SHQ1: variants seen among roughly 807,000 people sequenced by gnomAD.
The protein encoded by SHQ1 is protein SHQ1 homolog.
In SHQ1, 49 loss-of-function variants were observed where a neutral mutation model predicts 53.8. The ratio of observed to expected loss-of-function variants is 0.91; its 90% CI spans 0.72 to 1.16. SHQ1 has a LOEUF of 1.16. Ranked by LOEUF, SHQ1 falls within the 50% of genes most tolerant of loss-of-function variation. The pLI is 0.00. For synonymous variants in SHQ1, 243 were observed against 251.0 expected (o/e 0.97, Z 0.30); for missense variants, 738 against 683.1 (o/e 1.08, Z -0.90).
intron 9 of SHQ1, among the ~76,000 whole-genome samples, chr3:72,811,040 G>T (rs571971209): frequency 6.6e-6 from 1 of 152,294 alleles, no homozygotes; most frequent in Non-Finnish European, 1.5e-5. Context: ...CTGGGTAATT[G>T]ATTCCTGTGT....
At chr3:72,736,776 G>A in the SHQ1 span, among the ~76,000 whole-genome samples, 378 of 111,854 alleles carry the variant, frequency 3.4e-3, 7 homozygotes, top group African/African-American at 0.012. Context: ...CTGGGTGACA[G>A]AGTGAGACTC....
At chr3:72,801,896 A>G (rs1415173721) in intron 9 of SHQ1, among the ~76,000 whole-genome samples, 1 of 152,240 alleles carries the variant, frequency 6.6e-6, no homozygotes, top group Non-Finnish European at 1.5e-5. Flanking sequence ...AAAGCTACAC[A>G]TAAATAATCT....
At chr3:72,805,953 C>T (rs1393743657) in intron 9 of SHQ1, among the ~76,000 whole-genome samples, 4 of 152,156 alleles carry the variant, frequency 2.6e-5, no homozygotes, top group East Asian at 1.9e-4. Context: ...TAAACATTTT[C>T]GGTGATTAAC....
At chr3:72,818,254 A>G (rs1220665661) in intron 6 of SHQ1, among the ~76,000 whole-genome samples, 1 of 152,116 alleles carries the variant, frequency 6.6e-6, no homozygotes, top group Non-Finnish European at 1.5e-5. Context: ...GTAAAGGAGT[A>G]TAATATTCCA....
the SHQ1 span, among the ~76,000 whole-genome samples, chr3:72,737,467 T>G: frequency 1.3e-5 from 2 of 151,682 alleles, no homozygotes; most frequent in Admixed American, 1.3e-4. Context: ...AGTAAGAGAA[T>G]GAAAGAAAGA....
chr3:72,820,131 T>C (rs748145344), intron 6 of SHQ1, among the ~76,000 whole-genome samples: 2 of 152,242 alleles, frequency 1.3e-5, no homozygotes, highest in Non-Finnish European at 2.9e-5. Flanking sequence ...TTTAGCAACA[T>C]GTCAACTCTC....
chr3:72,811,600 T>C (rs1707125547), intron 9 of SHQ1, among the ~76,000 whole-genome samples: 1 of 152,190 alleles, frequency 6.6e-6, no homozygotes, highest in African/African-American at 2.4e-5. Flanking sequence ...GCATCTTTCA[T>C]CTAACCATGA....
At chr3:72,815,434 C>G (rs750133123) in intron 7 of SHQ1, 31 bp from the exon 8 acceptor site, 54 of 1,570,264 alleles carry the variant, frequency 3.4e-5, no homozygotes, top group Non-Finnish European at 4.6e-5. Context: ...AGAATACCAT[C>G]ACATTAGAGG....
At chr3:72,739,770 A>G in the SHQ1 span, among the ~76,000 whole-genome samples, 1 of 152,238 alleles carries the variant, frequency 6.6e-6, no homozygotes, top group African/African-American at 2.4e-5. Context: ...TAAAGGGAAA[A>G]GGAAACAGGA....
chr3:72,739,733 A>G, the SHQ1 span, among the ~76,000 whole-genome samples: 3 of 152,250 alleles, frequency 2.0e-5, no homozygotes, highest in African/African-American at 7.2e-5. Flanking sequence ...AGATAGAATT[A>G]GAAGTGCAAT....
chr3:72,815,335 A>G lies in SHQ1; in HGVS notation c.936+15T>C. The G allele has an allele frequency of 6.2e-7, 1 of 1,609,418 alleles. No homozygotes were observed. Among genetic ancestry groups the G allele is most frequent in the Non-Finnish European group, 8.5e-7 (1 of 1,176,188 alleles). On this transcript the variant is annotated intron_variant, in intron 8 of 10. Transcript: ENST00000325599. ...TGAACAACAAATTCTAAACAATTGC[A>G]ACTGGAAATCATACCTCAAACCAGC... is the stretch of plus-strand genomic sequence containing the variant.
intron 3 of SHQ1, among the ~76,000 whole-genome samples, chr3:72,841,934 C>A (rs9848364): frequency 6.6e-6 from 1 of 152,272 alleles, no homozygotes; most frequent in East Asian, 1.9e-4. Context: ...AGGTTCCTAA[C>A]GGGCCATGGA....
intron 2 of SHQ1, 38 bp downstream of exon 2, chr3:72,844,321 C>A (rs1708265856): frequency 6.4e-7 from 1 of 1,552,278 alleles, no homozygotes; most frequent in Non-Finnish European, 8.9e-7. Flanking sequence ...TGTGAAAAAT[C>A]CCAAGAAATA....
chr3:72,841,918 G>A lies in SHQ1; in HGVS notation c.331+362C>T, dbSNP rs1024465213. On this transcript the variant is annotated intron_variant, in intron 3 of 10. Transcript: ENST00000325599. The stretch of plus-strand genomic sequence containing the variant: ...TGGCCCTCCGCTCACCTCCTGTTGT[G>A]CAGCCAGGTTCCTAACGGGCCATGG... Among the ~76,000 whole-genome samples the A allele has an allele frequency of 2.2e-4, 33 of 152,288 alleles. 1 individual carries two copies. In the South Asian group the frequency reaches 2.5e-3, roughly 11 times the overall value.
At chr3:72,846,203 A>C (rs576265655) in intron 1 of SHQ1, 1 of 1,535,172 alleles carries the variant, frequency 6.5e-7, no homozygotes, top group South Asian at 1.2e-5. Context: ...AGAGAAAATT[A>C]TATTTGCTTA....
the SHQ1 span, among the ~76,000 whole-genome samples, chr3:72,740,247 G>A: frequency 6.6e-6 from 1 of 152,184 alleles, no homozygotes; most frequent in South Asian, 2.1e-4. Flanking sequence ...TTACCCAAAC[G>A]CATCCAATCA....
chr3:72,725,500 C>T, the SHQ1 span, among the ~76,000 whole-genome samples: 19 of 152,280 alleles, frequency 1.2e-4, no homozygotes, highest in South Asian at 1.0e-3. Flanking sequence ...CTTTCCCAAC[C>T]GCACATCCTG....
At chr3:72,838,756 G>T (rs189581333) in intron 4 of SHQ1, among the ~76,000 whole-genome samples, 2 of 152,224 alleles carry the variant, frequency 1.3e-5, no homozygotes, top group East Asian at 3.9e-4. Context: ...CTCCCAAAGT[G>T]CTGGAATTAC....
At chr3:72,815,476 T>C (rs924740242) in intron 7 of SHQ1, 73 bp from the exon 8 acceptor site, 22 of 1,153,640 alleles carry the variant, frequency 1.9e-5, no homozygotes, top group Non-Finnish European at 1.6e-5. Flanking sequence ...AACAAATCCA[T>C]TTATTCAACC....
Sources: allele counts gnomAD v4.1 joint callset (sites outside exome capture counted in the v4.1 genomes callset), GRCh38; gene constraint gnomAD v4.1.1; transcripts MANE v1.5; gene names NCBI Gene and HGNC (gene_info 2026-07-23, HGNC 2026-07-21).